SERPINB10: variants seen among roughly 807,000 people sequenced by gnomAD.
SERPINB10 encodes serpin B10.
Under a neutral mutation model 39.1 loss-of-function variants are expected in SERPINB10, and 35 were observed. The ratio of observed to expected loss-of-function variants is 0.90; its 90% confidence interval spans 0.68 to 1.19. The LOEUF (loss-of-function observed/expected upper bound fraction) is 1.19, where lower values mean the gene tolerates loss of function less well. Ranked by LOEUF, SERPINB10 falls within the 50% of genes most tolerant of loss-of-function variation. The pLI, the probability that SERPINB10 is intolerant of heterozygous loss-of-function variation, is 0.00. For synonymous variants in SERPINB10, 190 were observed against 158.1 expected (o/e 1.20, Z -1.52); for missense variants, 546 against 460.5 (o/e 1.19, Z -1.70).
intron 5 of SERPINB10, among the ~76,000 whole-genome samples, chr18:63,925,731 T>C (rs555802941): frequency 3.9e-5 from 6 of 152,044 alleles, no homozygotes; most frequent in African/African-American, 1.4e-4. Context: ...ATGATGGAAA[T>C]AGAAAACCAC....
intron 5 of SERPINB10, among the ~76,000 whole-genome samples, chr18:63,920,615 A>G (rs757846359): frequency 1.3e-5 from 2 of 151,986 alleles, no homozygotes; most frequent in Non-Finnish European, 2.9e-5. Flanking sequence ...CTTTAAGGGG[A>G]TGCCCTGGAA....
chr18:63,915,799 C>T, intron 2 of SERPINB10, 121 bp downstream of exon 2: 1 of 854,746 alleles, frequency 1.2e-6, no homozygotes, highest in African/African-American at 1.7e-5. Context: ...TTCTCTAAAA[C>T]AAGACATACA....
At chr18:63,932,206 A>G (rs775638494) in intron 6 of SERPINB10, among the ~76,000 whole-genome samples, 5 of 152,210 alleles carry the variant, frequency 3.3e-5, no homozygotes, top group African/African-American at 1.2e-4. Flanking sequence ...TAAATTTTCT[A>G]TAAATACTAC....
intron 3 of SERPINB10, 81 bp from the exon 4 acceptor site, chr18:63,917,884 A>C (rs1039531953): frequency 3.8e-6 from 5 of 1,309,130 alleles, no homozygotes; most frequent in Non-Finnish European, 5.3e-6. Flanking sequence ...TTCCCCAAAT[A>C]ATTTTATTTA....
At chr18:63,913,215 T>C (rs1469626691) in intron 1 of SERPINB10, among the ~76,000 whole-genome samples, 1 of 152,004 alleles carries the variant, frequency 6.6e-6, no homozygotes, top group African/African-American at 2.4e-5. Flanking sequence ...GTTTATACTT[T>C]CAAAAAACCA....
chr18:63,909,040 G>T lies in SERPINB10; in HGVS notation c.-10+1000G>T, dbSNP rs1225544576. On this transcript the variant is annotated intron_variant, in intron 1 of 7. Coordinates refer to ENST00000238508, the MANE Select transcript of SERPINB10 (RefSeq NM_005024.3). The stretch of plus-strand genomic sequence containing the variant: ...TTCAGTTTCTTAGCAGACAAAATGG[G>T]GGAGCTGGGTTAGGGAGATTCTAAG... Among the ~76,000 whole-genome samples the T allele has an allele frequency of 2.0e-5, 3 of 152,012 alleles. 1 individual carries two copies. The highest frequency in any genetic ancestry group is 2.0e-4 in the Admixed American group (3 of 15,236).
chr18:63,919,277 A>T (rs1415382442), intron 4 of SERPINB10, among the ~76,000 whole-genome samples: 1 of 150,378 alleles, frequency 6.6e-6, no homozygotes, highest in African/African-American at 2.5e-5. Context: ...TATAACATTC[A>T]ACTCTGCTTA....
chr18:63,917,367 G>A lies in SERPINB10; in HGVS notation c.169-89G>A, dbSNP rs532289428. 3.2e-4 allele frequency: 221 copies of A among 686,752 alleles called. 1 individual carries two copies. Among genetic ancestry groups the A allele is most frequent in the Admixed American group, 7.2e-4 (20 of 27,638 alleles). 42.5% of individuals were successfully genotyped at this position (686,752 alleles called of 1,614,324 possible). Reference sequence around the variant, plus strand: ...CTAATTATATGTTCTGCAATTATAGGAATGACTGACTTGTATTTACAGATG... The same window carrying A: ...CTAATTATATGTTCTGCAATTATAGAAATGACTGACTTGTATTTACAGATG... On this transcript the variant is annotated intron_variant, in intron 2 of 7. Coordinates refer to ENST00000238508, the MANE Select transcript of SERPINB10 (RefSeq NM_005024.3).
At position 63,934,918 on chromosome 18, in the gene SERPINB10, C is replaced by G; in HGVS notation, c.870C>G (p.His290Gln). Residue 290 changes from histidine (H) to glutamine (Q), a missense_variant, in exon 8 of 8, where the codon CAC (histidine) becomes CAG (glutamine). His to Gln is a conservative substitution (Grantham distance 24). Transcript: ENST00000238508. The part of the protein sequence containing the change: ...DMMELYEVQL[H>Q]LPKFKLEDSY... Reference sequence around the variant, plus strand: ...TGGAGTTGTATGAAGTGCAGCTACACCTTCCCAAGTTCAAGCTGGAAGACA... The same window carrying G: ...TGGAGTTGTATGAAGTGCAGCTACAGCTTCCCAAGTTCAAGCTGGAAGACA... 6.2e-7 allele frequency: 1 copy of G among 1,614,210 alleles called. No homozygotes were observed.
chr18:63,925,257 C>T (rs938578644), intron 5 of SERPINB10, among the ~76,000 whole-genome samples: 1 of 151,886 alleles, frequency 6.6e-6, no homozygotes, highest in African/African-American at 2.4e-5. Context: ...GAAATAGATA[C>T]AGATGTGTGT....
intron 1 of SERPINB10, among the ~76,000 whole-genome samples, chr18:63,914,974 T>C (rs898881524): frequency 6.6e-6 from 1 of 152,092 alleles, no homozygotes; most frequent in African/African-American, 2.4e-5. Context: ...ATTTTCCAAT[T>C]AGTTGTGCAT....
At chr18:63,915,782 A>G in intron 2 of SERPINB10, 104 bp downstream of exon 2, 2 of 989,458 alleles carry the variant, frequency 2.0e-6, no homozygotes, top group Non-Finnish European at 2.9e-6. Flanking sequence ...TACATTTCAC[A>G]ATAACATTCT....
At chr18:63,915,394 T>G (rs2050093607) in intron 1 of SERPINB10, 108 bp from the exon 2 acceptor site, 1 of 672,056 alleles carries the variant, frequency 1.5e-6, no homozygotes, top group African/African-American at 1.9e-5. Context: ...ATTCAGCTCA[T>G]ATGACAATGT....
At chr18:63,931,239 C>A (rs1184849898) in intron 6 of SERPINB10, among the ~76,000 whole-genome samples, 1 of 152,178 alleles carries the variant, frequency 6.6e-6, no homozygotes, top group Non-Finnish European at 1.5e-5. Context: ...CATTCTCATG[C>A]TGTCTCTTTC....
At chr18:63,921,637 C>T (rs1387180628) in intron 5 of SERPINB10, among the ~76,000 whole-genome samples, 3 of 151,876 alleles carry the variant, frequency 2.0e-5, no homozygotes, top group East Asian at 3.9e-4. Flanking sequence ...AATTACCTGC[C>T]TAGAATACAA....
chr18:63,932,954 A>T, intron 6 of SERPINB10, 94 bp from the exon 7 acceptor site: 1 of 1,185,682 alleles, frequency 8.4e-7, no homozygotes, highest in Non-Finnish European at 1.2e-6. Context: ...AGTTTCACCA[A>T]CTGAGAGCCA....
At chr18:63,917,382 A>G in intron 2 of SERPINB10, 74 bp from the exon 3 acceptor site, 2 of 839,628 alleles carry the variant, frequency 2.4e-6, no homozygotes, top group Non-Finnish European at 3.6e-6. Context: ...ACTGACTTGT[A>G]TTTACAGATG....
intron 2 of SERPINB10, among the ~76,000 whole-genome samples, chr18:63,917,122 T>C (rs1270164720): frequency 6.6e-6 from 1 of 152,042 alleles, no homozygotes; most frequent in Non-Finnish European, 1.5e-5. Flanking sequence ...ATGGTCTCAG[T>C]TGGACACCTA....
intron 1 of SERPINB10, among the ~76,000 whole-genome samples, chr18:63,911,720 A>G (rs1260410901): frequency 6.6e-6 from 1 of 151,986 alleles, no homozygotes; most frequent in Non-Finnish European, 1.5e-5. Context: ...TGATGCTTCC[A>G]GGTTTGTTCT....
Sources: gnomAD v4.1 joint callset for allele counts (sites outside exome capture counted in the v4.1 genomes callset) on GRCh38, gnomAD v4.1.1 for gene constraint, MANE v1.5 for transcripts, NCBI Gene and HGNC (gene_info 2026-07-23, HGNC 2026-07-21) for gene names.